SOX5: variants seen among roughly 807,000 people sequenced by gnomAD.
SOX5 encodes the protein transcription factor SOX-5.
In SOX5, 9 loss-of-function variants were observed where a neutral mutation model predicts 92.0. That is an observed-to-expected ratio of 0.10 (90% confidence interval 0.06 to 0.17). The LOEUF is 0.17. Ranked by LOEUF, SOX5 falls within the 10% of genes least tolerant of loss-of-function variation. The pLI is 1.00. For missense variants in SOX5, 642 were observed against 944.5 expected, an observed-to-expected ratio of 0.68 and a Z score of 4.20; for synonymous variants, 344 against 336.3, an observed-to-expected ratio of 1.02 and a Z score of -0.25.
In SOX5 at chr12:23,696,020, T is replaced by C. The variant is rs566597340; in HGVS notation, c.811-30456A>G. ...AACAAAAAATATGACATATTCATAATATATTATCCTTCTTATATATTGCTG... is the reference window on the plus strand; with the variant it reads ...AACAAAAAATATGACATATTCATAACATATTATCCTTCTTATATATTGCTG... On this transcript the variant is annotated intron_variant, in intron 6 of 14. Coordinates refer to ENST00000451604, the MANE Select transcript of SOX5 (RefSeq NM_006940.6). 9.7e-5 allele frequency among the ~76,000 whole-genome samples: 14 copies of C among 144,228 alleles called. No homozygotes were observed. In the South Asian group the frequency reaches 2.6e-3, roughly 27 times the overall value. 94.6% of individuals were successfully genotyped at this position (144,228 alleles called of 152,430 possible). A position where few individuals can be genotyped will look rare whatever the true frequency, so the allele number is the denominator to read the frequency against.
At chr12:24,266,357 A>C (rs4963748) in intron 3 of SOX5, among the ~76,000 whole-genome samples, 24,019 of 152,100 alleles carry the variant, frequency 0.16, 2,278 homozygotes, top group South Asian at 0.23. Flanking sequence ...TATATATGGC[A>C]AATTGCTAGA....
In SOX5 at chr12:23,570,956, T is replaced by A. The variant is rs1349111096; in HGVS notation, c.1342+4705A>T. Among the ~76,000 whole-genome samples the A allele has an allele frequency of 3.2e-3, 252 of 79,260 alleles. 13 individuals carry two copies. Among genetic ancestry groups the A allele is most frequent in the East Asian group, 6.8e-3 (20 of 2,934 alleles). The allele number at this position is 79,260 out of a possible 152,430, so 52.0% of individuals were successfully genotyped here. ...ATATATATATATATATATATATATA[T>A]ATATATATATATATATATATATATA... On this transcript the variant is annotated intron_variant, in intron 10 of 14. Transcript: ENST00000451604.
At chr12:24,278,675 C>G (rs1004524977) in intron 2 of SOX5, among the ~76,000 whole-genome samples, 1 of 152,074 alleles carries the variant, frequency 6.6e-6, no homozygotes, top group Non-Finnish European at 1.5e-5. Context: ...TGCGTCACTG[C>G]ACTTCAGCCT....
chr12:23,747,985 A>G (rs1434203654), intron 4 of SOX5, among the ~76,000 whole-genome samples: 2 of 151,714 alleles, frequency 1.3e-5, no homozygotes, highest in Non-Finnish European at 2.9e-5. Context: ...AACGAATACA[A>G]TCAAATCTAT....
At chr12:23,799,632 C>T (rs2095626549) in intron 3 of SOX5, among the ~76,000 whole-genome samples, 1 of 152,068 alleles carries the variant, frequency 6.6e-6, no homozygotes, top group East Asian at 1.9e-4. Flanking sequence ...TGTTAATGTC[C>T]ATACTAAAAT....
chr12:24,234,676 G>A (rs1326181280), intron 3 of SOX5, among the ~76,000 whole-genome samples: 1 of 152,112 alleles, frequency 6.6e-6, no homozygotes, highest in Admixed American at 6.5e-5. Context: ...GAGCCACCAC[G>A]CCGGCCAAAA....
chr12:23,968,327 CTT>C (rs1947824448), intron 4 of SOX5, among the ~76,000 whole-genome samples: 1 of 152,192 alleles, frequency 6.6e-6, no homozygotes, highest in African/African-American at 2.4e-5. Flanking sequence ...CTCTTCAAGT[CTT>C]ATACTACTTG....
At chr12:23,561,950 G>T (rs1946285698) in intron 11 of SOX5, among the ~76,000 whole-genome samples, 1 of 152,140 alleles carries the variant, frequency 6.6e-6, no homozygotes, top group South Asian at 2.1e-4. Context: ...CTTTGCATTA[G>T]CATCTGGCTG....
chr12:23,861,030 G>A (rs987970098), intron 2 of SOX5, among the ~76,000 whole-genome samples: 2 of 144,600 alleles, frequency 1.4e-5, no homozygotes, highest in Non-Finnish European at 3.0e-5. Context: ...GTCAAACAGA[G>A]AGAGAAGTAG....
At chr12:24,016,654 G>T (rs1299268030) in intron 4 of SOX5, among the ~76,000 whole-genome samples, 4 of 152,200 alleles carry the variant, frequency 2.6e-5, no homozygotes, top group Admixed American at 1.3e-4. Context: ...AAAAATGGGA[G>T]ACCATCTGGG....
intron 10 of SOX5, among the ~76,000 whole-genome samples, chr12:23,571,678 T>C (rs978067875): frequency 6.6e-6 from 1 of 152,292 alleles, no homozygotes; most frequent in Non-Finnish European, 1.5e-5. Flanking sequence ...TCTGGATAAG[T>C]TACTAGATTT....
intron 1 of SOX5, among the ~76,000 whole-genome samples, chr12:23,903,132 A>G (rs890632466): frequency 3.3e-5 from 5 of 152,218 alleles, no homozygotes; most frequent in African/African-American, 1.2e-4. Flanking sequence ...TGCCCGTTAG[A>G]CAGCAACATA....
chr12:24,528,765 T>C (rs898343355), intron 1 of SOX5, among the ~76,000 whole-genome samples: 5 of 152,230 alleles, frequency 3.3e-5, no homozygotes, highest in African/African-American at 1.2e-4. Flanking sequence ...AGGAAGCATT[T>C]ATAGGCTATG....
chr12:24,549,123 G>A (rs146743846), intron 1 of SOX5, among the ~76,000 whole-genome samples: 8 of 152,098 alleles, frequency 5.3e-5, no homozygotes, highest in Non-Finnish European at 1.0e-4. Flanking sequence ...TACCTCATTA[G>A]CCATCTTTAA....
At chr12:24,377,862 T>C (rs1044279384) in intron 1 of SOX5, among the ~76,000 whole-genome samples, 3 of 152,208 alleles carry the variant, frequency 2.0e-5, no homozygotes, top group Non-Finnish European at 4.4e-5. Flanking sequence ...GTCTTCATTA[T>C]TACCACAATA....
At chr12:23,752,626 G>A (rs1301905471) in intron 4 of SOX5, among the ~76,000 whole-genome samples, 1 of 151,700 alleles carries the variant, frequency 6.6e-6, no homozygotes, top group Non-Finnish European at 1.5e-5. Flanking sequence ...CGGAGTAAAG[G>A]CATTGTTTCT....
chr12:23,755,865 G>A (rs1285475794), intron 3 of SOX5, 141 bp from the exon 4 acceptor site: 2 of 539,564 alleles, frequency 3.7e-6, no homozygotes, highest in Non-Finnish European at 6.5e-6. Context: ...CTGATAACAG[G>A]GGTGGAAAAA....
At chr12:23,870,398 C>T (rs1219185449) in intron 2 of SOX5, among the ~76,000 whole-genome samples, 1 of 152,036 alleles carries the variant, frequency 6.6e-6, no homozygotes, top group East Asian at 1.9e-4. Context: ...ATTTCCAAAC[C>T]TTTCCCCTAA....
chr12:23,835,133 AG>A (rs2096391648), intron 3 of SOX5, among the ~76,000 whole-genome samples: 1 of 151,966 alleles, frequency 6.6e-6, no homozygotes, highest in East Asian at 1.9e-4. Flanking sequence ...CAAGACACTG[AG>A]GGATAGTCAT....
Sources: gnomAD v4.1 joint callset for allele counts (sites outside exome capture counted in the v4.1 genomes callset) on GRCh38, gnomAD v4.1.1 for gene constraint, MANE v1.5 for transcripts, NCBI Gene and HGNC (gene_info 2026-07-23, HGNC 2026-07-21) for gene names.